The following JMY variants were observed in gnomAD, a reference collection of about 807,000 sequenced individuals.
JMY encodes the protein junction-mediating and -regulatory protein.
Under a neutral mutation model 103.3 loss-of-function variants are expected in JMY, and 46 were observed. The ratio of observed to expected loss-of-function variants is 0.45; its 90% CI spans 0.35 to 0.57. The LOEUF (loss-of-function observed/expected upper bound fraction) is 0.57, where lower values mean the gene tolerates loss of function less well. Among genes scored for constraint, JMY ranks in the 20% least tolerant of loss-of-function variants. JMY has a pLI of 0.00. For missense variants in JMY, 1,238 were observed against 1,255.2 expected (o/e 0.99, Z 0.21); for synonymous variants, 526 against 489.3 (o/e 1.07, Z -0.99).
At chr5:79,248,428 T>G (rs929331020) in intron 1 of JMY, among the ~76,000 whole-genome samples, 1 of 151,652 alleles carries the variant, frequency 6.6e-6, no homozygotes, top group Non-Finnish European at 1.5e-5. Context: ...TGCCTCAGCC[T>G]CCCAAGTAGC....
At chr5:79,318,629 A>G (rs577691013) in intron 10 of JMY, among the ~76,000 whole-genome samples, 1 of 152,064 alleles carries the variant, frequency 6.6e-6, no homozygotes, top group East Asian at 1.9e-4. Context: ...TTTTTTTCCT[A>G]TTATGTATAC....
chr5:79,254,911 T>C (rs1466687105), intron 1 of JMY, among the ~76,000 whole-genome samples: 2 of 151,828 alleles, frequency 1.3e-5, no homozygotes, highest in African/African-American at 2.4e-5. Flanking sequence ...CTTGATCAGT[T>C]CTGTCATTAA....
intron 1 of JMY, among the ~76,000 whole-genome samples, chr5:79,263,943 G>A (rs568215639): frequency 4.6e-5 from 7 of 151,848 alleles, no homozygotes; most frequent in African/African-American, 1.4e-4. Context: ...GATTACAGGC[G>A]CCTGCCACCA....
chr5:79,250,956 TTTAA>T (rs1745068640), intron 1 of JMY, among the ~76,000 whole-genome samples: 2 of 152,290 alleles, frequency 1.3e-5, no homozygotes, highest in Admixed American at 6.5e-5. Flanking sequence ...GTACAATATA[TTTAA>T]TAATTGAGAA....
At chr5:79,319,233 G>A (rs1454030765) in intron 10 of JMY, among the ~76,000 whole-genome samples, 1 of 152,200 alleles carries the variant, frequency 6.6e-6, no homozygotes, top group Non-Finnish European at 1.5e-5. Flanking sequence ...TGTTAACATG[G>A]TGCATGGTGT....
chr5:79,287,196 TA>T (rs1746294309), intron 2 of JMY, among the ~76,000 whole-genome samples: 1 of 152,034 alleles, frequency 6.6e-6, no homozygotes, highest in Non-Finnish European at 1.5e-5. Flanking sequence ...TGGGGTGAAA[TA>T]AGGCTTGGGT....
intron 9 of JMY, 87 bp from the exon 10 acceptor site, chr5:79,315,913 C>T: frequency 8.9e-7 from 1 of 1,127,674 alleles, no homozygotes; most frequent in Non-Finnish European, 1.3e-6. Flanking sequence ...CCTGTGCTTT[C>T]ACAGTTGCGA....
intron 8 of JMY, among the ~76,000 whole-genome samples, chr5:79,313,830 G>A (rs1361909453): frequency 6.6e-6 from 1 of 152,108 alleles, no homozygotes; most frequent in Non-Finnish European, 1.5e-5. Context: ...CGGATTTTCT[G>A]TATAACTTTA....
At chr5:79,315,452 A>T (rs1054926770) in intron 9 of JMY, among the ~76,000 whole-genome samples, 1 of 152,166 alleles carries the variant, frequency 6.6e-6, no homozygotes, top group African/African-American at 2.4e-5. Context: ...CCTTTAAGGA[A>T]TTTGCATTTT....
At chr5:79,265,176 G>T (rs922790334) in intron 1 of JMY, among the ~76,000 whole-genome samples, 1 of 152,014 alleles carries the variant, frequency 6.6e-6, no homozygotes, top group African/African-American at 2.4e-5. Flanking sequence ...CGCCCGCCTT[G>T]GCCTCCCAAA....
At chr5:79,271,571 T>C (rs1317480266) in intron 1 of JMY, among the ~76,000 whole-genome samples, 4 of 152,208 alleles carry the variant, frequency 2.6e-5, no homozygotes, top group Non-Finnish European at 5.9e-5. Flanking sequence ...TATAGGTCTG[T>C]TCAGATTACC....
intron 1 of JMY, among the ~76,000 whole-genome samples, chr5:79,267,424 G>C (rs938781063): frequency 6.6e-6 from 1 of 152,222 alleles, no homozygotes; most frequent in African/African-American, 2.4e-5. Flanking sequence ...CTGGCAACCA[G>C]TGGTCTTTTT....
At chr5:79,243,175 G>T (rs768626288) in intron 1 of JMY, among the ~76,000 whole-genome samples, 3 of 151,702 alleles carry the variant, frequency 2.0e-5, no homozygotes, top group Non-Finnish European at 4.4e-5. Context: ...AACTGAAGGG[G>T]CAAGGGGCAA....
chr5:79,303,902 C>T (rs1004323152), intron 6 of JMY, among the ~76,000 whole-genome samples: 1 of 151,934 alleles, frequency 6.6e-6, no homozygotes, highest in African/African-American at 2.4e-5. Context: ...AAAGCAGTGA[C>T]TGACGGAATA....
chr5:79,261,379 AAATAAT>A (rs771948118), intron 1 of JMY, among the ~76,000 whole-genome samples: 3 of 151,436 alleles, frequency 2.0e-5, no homozygotes, highest in Middle Eastern at 3.4e-3. Context: ...CCGTCTCTAC[AAATAAT>A]AATAATAATA....
chr5:79,271,936 C>G (rs1402356159), intron 1 of JMY, among the ~76,000 whole-genome samples: 1 of 152,010 alleles, frequency 6.6e-6, no homozygotes, highest in Non-Finnish European at 1.5e-5. Flanking sequence ...CATGGTGAAA[C>G]TCTGTCTCTA....
intron 1 of JMY, among the ~76,000 whole-genome samples, chr5:79,249,614 C>T (rs927446280): frequency 1.3e-5 from 2 of 152,162 alleles, no homozygotes; most frequent in South Asian, 2.1e-4. Context: ...AGGTATTTAT[C>T]TGAAGTATCA....
At chr5:79,262,572 T>C (rs1048003052) in intron 1 of JMY, among the ~76,000 whole-genome samples, 2 of 152,260 alleles carry the variant, frequency 1.3e-5, no homozygotes, top group African/African-American at 4.8e-5. Context: ...ATAAAATGCA[T>C]TCCCTGTATT....
chr5:79,240,159 G>T (rs536997298), intron 1 of JMY, among the ~76,000 whole-genome samples: 1 of 149,826 alleles, frequency 6.7e-6, no homozygotes, highest in South Asian at 2.1e-4. Context: ...GGGATTATAG[G>T]CGTGTGCCAC....
Sources: gnomAD v4.1 joint callset for allele counts (sites outside exome capture counted in the v4.1 genomes callset) on GRCh38, gnomAD v4.1.1 for gene constraint, MANE v1.5 for transcripts, NCBI Gene and HGNC (gene_info 2026-07-23, HGNC 2026-07-21) for gene names.